EMP3: variants seen among roughly 807,000 people sequenced by gnomAD.
EMP3 encodes epithelial membrane protein 3 (MAM blood group), also known as epithelial membrane protein 3.
In EMP3, 15 loss-of-function variants were observed where a neutral mutation model predicts 21.6. The ratio of observed to expected loss-of-function variants is 0.69; its 90% CI spans 0.46 to 1.07. The LOEUF is 1.07. EMP3 is among the 50% of genes least tolerant of loss of function. EMP3 has a pLI of 0.00. For synonymous variants in EMP3, 107 were observed against 86.1 expected, an observed-to-expected ratio of 1.24 and a Z score of -1.34; for missense variants, 183 against 206.6, an observed-to-expected ratio of 0.89 and a Z score of 0.70.
chr19:48,328,411 C>CAAA (rs746709296), intron 3 of EMP3, among the ~76,000 whole-genome samples: 1,526 of 80,410 alleles, frequency 0.019, 52 homozygotes, highest in African/African-American at 0.068. Context: ...GATTCTGTCT[C>CAAA]AAAAAAAAAA....
At chr19:48,327,671 C>G (rs1204976387) in intron 3 of EMP3, 48 bp downstream of exon 3, 1 of 1,535,502 alleles carries the variant, frequency 6.5e-7, no homozygotes, top group Admixed American at 1.8e-5. Context: ...GAAGGTAAAC[C>G]CTTCGTGTCC....
Position 48,327,503 on chromosome 19 carries a change from G to A in EMP3, c.79-18G>A, listed in dbSNP as rs566153158. On this transcript the variant is annotated intron_variant, in intron 2 of 4. Coordinates refer to ENST00000270221, the MANE Select transcript of EMP3 (RefSeq NM_001425.3). Reference sequence around the variant, plus strand: ...CTTTCCTAACCCTGCCCCTTGTTTCGTTCTCTGTCCATCCCAGTCCTGGTG... The same window carrying A: ...CTTTCCTAACCCTGCCCCTTGTTTCATTCTCTGTCCATCCCAGTCCTGGTG... 49 of 1,597,640 alleles carry A rather than the reference G, an allele frequency of 3.1e-5. No homozygotes were observed. The highest frequency in any genetic ancestry group is 1.7e-4 in the Middle Eastern group (1 of 6,046).
rs745410009 is a variant in EMP3 at position 48,327,656 on chromosome 19, A to T, written c.181+33A>T. On this transcript the variant is annotated intron_variant, in intron 3 of 4. Coordinates refer to ENST00000270221, the MANE Select transcript of EMP3 (RefSeq NM_001425.3). Reference sequence around the variant, plus strand: ...GTGAGGGCGGCGGGACTGGTCTTCAAAGGGGAAGGTAAACCCTTCGTGTCC... The same window carrying T: ...GTGAGGGCGGCGGGACTGGTCTTCATAGGGGAAGGTAAACCCTTCGTGTCC... The T allele has an allele frequency of 2.9e-5, 46 of 1,587,142 alleles. 1 individual carries two copies. The South Asian group carries it at 4.7e-4, about 16-fold the overall frequency.
intron 3 of EMP3, 91 bp downstream of exon 3, chr19:48,327,714 A>T (rs751329344): frequency 2.3e-6 from 3 of 1,288,636 alleles, no homozygotes; most frequent in Non-Finnish European, 3.3e-6. Flanking sequence ...CCCTCCCCCA[A>T]CAAAGTTGGA....
At chr19:48,330,267 G>T (rs1420560128) in intron 4 of EMP3, 34 bp from the exon 5 acceptor site, 2 of 1,533,856 alleles carry the variant, frequency 1.3e-6, no homozygotes, top group Non-Finnish European at 8.8e-7. Flanking sequence ...TCTTGAGGGG[G>T]CACTGCATGA....
intron 3 of EMP3, among the ~76,000 whole-genome samples, chr19:48,328,081 C>T (rs929740277): frequency 1.3e-5 from 2 of 152,104 alleles, no homozygotes; most frequent in African/African-American, 2.4e-5. Context: ...GCTGAGATTA[C>T]AGGCGTGAGC....
In EMP3 at chr19:48,329,988, G is replaced by A. The variant is rs536392186; in HGVS notation, c.323-313G>A. 3.9e-5 allele frequency among the ~76,000 whole-genome samples: 6 copies of A among 152,120 alleles called. No individual in the cohort carries two copies. Among genetic ancestry groups the A allele is most frequent in the Non-Finnish European group, 8.8e-5 (6 of 68,030 alleles). On this transcript the variant is annotated intron_variant, in intron 4 of 4. Coordinates refer to ENST00000270221, the MANE Select transcript of EMP3 (RefSeq NM_001425.3). This position sits in a 1 kb window ranked among gnomAD's most constrained non-coding sequence, Gnocchi z 4.5. ...GGGCTAACTTAATCACAGTCAGTTT[G>A]GGGAACATTATAGGTTCTTGCAAAG... is the stretch of plus-strand genomic sequence containing the variant.
Position 48,329,761 on chromosome 19 carries a change from A to C in EMP3, c.322+269A>C, listed in dbSNP as rs1056537106. 1.3e-5 allele frequency among the ~76,000 whole-genome samples: 2 copies of C among 152,092 alleles called. No homozygotes were observed. The highest frequency in any genetic ancestry group is 6.6e-5 in the Admixed American group (1 of 15,254). On this transcript the variant is annotated intron_variant, in intron 4 of 4. Coordinates refer to ENST00000270221, the MANE Select transcript of EMP3 (RefSeq NM_001425.3). The surrounding 1 kb of genome is among the most constrained non-coding windows in gnomAD (Gnocchi z 4.5). Reference sequence around the variant, plus strand: ...AGTTTCAGGGAGCCGGGGCTGGGGAAGGAGGTATAGGTAAATAGTTTTGGT... The same window carrying C: ...AGTTTCAGGGAGCCGGGGCTGGGGACGGAGGTATAGGTAAATAGTTTTGGT...
rs1969142068 is a variant in EMP3, at chr19:48,327,541, G to A, written c.99G>A (p.Gly33=). The A allele has an allele frequency of 1.2e-6, 2 of 1,613,472 alleles. No individual in the cohort carries two copies. Among genetic ancestry groups the A allele is most frequent in the Non-Finnish European group, 1.7e-6 (2 of 1,179,878 alleles). The stretch of plus-strand genomic sequence containing the variant: ...CCCAGTCCTGGTGGACTCTCCCTGG[G>A]AAAGAGTCCCTGAATCTCTGGTACG... ...TLDKSWWTLP[G]KESLNLWYDC... The change falls in exon 3 of 5, where the codon GGG becomes GGA. Residue 33 remains glycine (G), a synonymous_variant. Coordinates refer to ENST00000270221, the MANE Select transcript of EMP3 (RefSeq NM_001425.3).
chr19:48,330,190 C>T, intron 4 of EMP3, 111 bp from the exon 5 acceptor site: 4 of 1,410,686 alleles, frequency 2.8e-6, no homozygotes, highest in Non-Finnish European at 3.7e-6. Flanking sequence ...CAACTCCCAG[C>T]AGGCAGCGGC....
chr19:48,329,594 A>G lies in EMP3; in HGVS notation c.322+102A>G. The G allele has an allele frequency of 6.7e-7, 1 of 1,483,094 alleles. No individual in the cohort carries two copies. The highest frequency in any genetic ancestry group is 1.4e-5 in the African/African-American group (1 of 71,680). The allele number at this position is 1,483,094 out of a possible 1,614,324, so 91.9% of individuals were successfully genotyped here. The stretch of plus-strand genomic sequence containing the variant: ...GCCCTGAGAATGGGCCTCTCGTAGA[A>G]AAAAACAACTTTCAACACCCCACGA... On this transcript the variant is annotated intron_variant, in intron 4 of 4. Transcript: ENST00000270221. The surrounding 1 kb of genome is among the most constrained non-coding windows in gnomAD (Gnocchi z 4.5).
At chr19:48,330,248 GA>G in intron 4 of EMP3, 52 bp from the exon 5 acceptor site, 1 of 1,493,318 alleles carries the variant, frequency 6.7e-7, no homozygotes, top group Non-Finnish European at 8.9e-7. Context: ...GGGATATTGG[GA>G]AATGTAGTCT....
chr19:48,327,622 T>C lies in EMP3; in HGVS notation c.180T>C (p.Asn60=), dbSNP rs1398559398. ...GGGCCTGCAGTAATGTCAGCGAGAA[T>C]GGTGAGGGGTGAGGGCGGCGGGACT... ...KTWACSNVSE[N]GWLKAVQVLM... Residue 60 remains asparagine, a splice_region_variant and synonymous_variant, in exon 3 of 5, where the codon AAT becomes AAC. Transcript: ENST00000270221. The C allele has an allele frequency of 6.2e-7, 1 of 1,613,316 alleles. No individual in the cohort carries two copies. The highest frequency in any genetic ancestry group is 2.2e-5 in the East Asian group (1 of 44,888).
intron 1 of EMP3, among the ~76,000 whole-genome samples, chr19:48,326,231 G>A (rs1029235874): frequency 2.4e-4 from 37 of 151,990 alleles, no homozygotes; most frequent in African/African-American, 8.2e-4. Flanking sequence ...TCCTGATGTC[G>A]GGGTGCAGGG....
chr19:48,327,456 CT>C, intron 2 of EMP3, 64 bp from the exon 3 acceptor site: 1 of 1,226,862 alleles, frequency 8.2e-7, no homozygotes, highest in Non-Finnish European at 1.2e-6. Context: ...TTCCCACAGT[CT>C]GCCTGACCCT....
chr19:48,330,510 C>G lies in EMP3; in HGVS notation c.*40C>G. ...TCGGCTGCCCCCGCCCCTTCCCGGC[C>G]CCCCTCGCCGCGCGTCCTCCAAAAA... On this transcript the variant is annotated 3_prime_UTR_variant, in exon 5 of 5. Coordinates refer to ENST00000270221, the MANE Select transcript of EMP3 (RefSeq NM_001425.3). The G allele has an allele frequency of 6.6e-7, 1 of 1,517,448 alleles. No individual in the cohort carries two copies. Among genetic ancestry groups the G allele is most frequent in the Non-Finnish European group, 8.8e-7 (1 of 1,137,206 alleles). The allele number at this position is 1,517,448 out of a possible 1,614,324, so 94.0% of individuals were successfully genotyped here.
In EMP3 at chr19:48,329,454, G is replaced by A. The variant is rs1969173122; in HGVS notation, c.284G>A (p.Gly95Asp). The A allele has an allele frequency of 6.2e-7, 1 of 1,614,002 alleles. No homozygotes were observed. The highest frequency in any genetic ancestry group is 1.3e-5 in the African/African-American group (1 of 74,892). The change falls in exon 4 of 5, where the codon GGT (glycine) becomes GAT (aspartate). Residue 95 changes from glycine (G) to aspartate (D), a missense_variant. Physicochemically the swap from Gly to Asp is moderately conservative, Grantham distance 94. Coordinates refer to ENST00000270221, the MANE Select transcript of EMP3 (RefSeq NM_001425.3). The surrounding 1 kb of genome is among the most constrained non-coding windows in gnomAD (Gnocchi z 4.5). ...CAGCTCTACACCATGCGACGAGGAG[G>A]TCTCTTCTATGCCACCGGCCTCTGC... ...MFQLYTMRRG[G>D]LFYATGLCQL...
intron 2 of EMP3, 141 bp from the exon 3 acceptor site, chr19:48,327,380 C>G: frequency 4.6e-6 from 3 of 652,776 alleles, no homozygotes; most frequent in Non-Finnish European, 8.3e-6. Context: ...CCTACCCCCT[C>G]TCATATTAAA....
intron 2 of EMP3, 65 bp downstream of exon 2, chr19:48,326,987 A>G (rs1969133363): frequency 7.2e-7 from 1 of 1,390,850 alleles, no homozygotes. Flanking sequence ...CCCCTCCTCT[A>G]AAGGCATTCT....
Sources: gnomAD v4.1 joint callset for allele counts (sites outside exome capture counted in the v4.1 genomes callset) on GRCh38, gnomAD v4.1.1 for gene constraint, Gnocchi (gnomAD v3.1) non-coding constraint, MANE v1.5 for transcripts, NCBI Gene and HGNC (gene_info 2026-07-23, HGNC 2026-07-21) for gene names.